The following MIAT variants were observed in gnomAD, a reference collection of about 807,000 sequenced individuals.
MIAT encodes myocardial infarction associated transcript, also known as MI related novel mRNA.
At chr22:26,662,974 A>G (rs1664840920) in intron 2 of MIAT, among the ~76,000 whole-genome samples, 1 of 152,206 alleles carries the variant, frequency 6.6e-6, no homozygotes, top group South Asian at 2.1e-4. Flanking sequence ...TTCTCATTTG[A>G]TCCTCATGAC....
intron 5 of MIAT, chr22:26,667,450 G>A (rs963810749): frequency 1.3e-5 from 5 of 394,516 alleles, no homozygotes; most frequent in African/African-American, 1.0e-4. Flanking sequence ...GTGTATGTTG[G>A]GGGTGGTGGT....
chr22:26,652,600 C>T (rs1930354899), intron 2 of MIAT, among the ~76,000 whole-genome samples: 1 of 152,120 alleles, frequency 6.6e-6, no homozygotes, highest in Admixed American at 6.5e-5. Flanking sequence ...TTGTGATCTG[C>T]CCCCCTCGGC....
chr22:26,675,782 G>C, exon 5 of MIAT: 2 of 398,668 alleles, frequency 5.0e-6, no homozygotes, highest in Non-Finnish European at 8.8e-6. Flanking sequence ...GTCATGCATG[G>C]CTGCAAGGGG....
At chr22:26,649,713 G>C (rs556185122) in intron 2 of MIAT, among the ~76,000 whole-genome samples, 1 of 152,234 alleles carries the variant, frequency 6.6e-6, no homozygotes, top group African/African-American at 2.4e-5. Flanking sequence ...AAGAGATTGA[G>C]ACTATCCTGG....
exon 5 of MIAT, chr22:26,676,069 T>A (rs1931250419): frequency 5.0e-6 from 2 of 398,624 alleles, no homozygotes; most frequent in East Asian, 7.1e-5. Context: ...GAGCAGGATC[T>A]TAGAGCTGAG....
At chr22:26,650,337 G>A (rs1930315310) in intron 2 of MIAT, 1 of 152,182 alleles carries the variant, frequency 6.6e-6, no homozygotes, top group Non-Finnish European at 1.5e-5. Flanking sequence ...TGGACTTCCA[G>A]CCTCCTTAAG....
chr22:26,672,363 T>G, downstream of MIAT: 1 of 399,232 alleles, frequency 2.5e-6, no homozygotes, highest in Non-Finnish European at 4.4e-6. Context: ...CAGAGTCCAC[T>G]GGGCCAGGTC....
intron 2 of MIAT, among the ~76,000 whole-genome samples, chr22:26,661,955 T>TAC (rs1930689903): frequency 1.2e-4 from 5 of 43,112 alleles, no homozygotes; most frequent in Non-Finnish European, 2.4e-4. Context: ...TATATATATA[T>TAC]ATATATACAC....
At chr22:26,660,976 G>A (rs1930642260) in intron 2 of MIAT, among the ~76,000 whole-genome samples, 1 of 152,194 alleles carries the variant, frequency 6.6e-6, no homozygotes, top group Non-Finnish European at 1.5e-5. Flanking sequence ...TGCCCTGTAG[G>A]TGCTTACTAA....
At chr22:26,674,979 G>T in exon 5 of MIAT, 1 of 398,698 alleles carries the variant, frequency 2.5e-6, no homozygotes, top group East Asian at 3.6e-5. Flanking sequence ...ATTGGTCAGG[G>T]GTCTGTGGGA....
downstream of MIAT, chr22:26,672,746 CA>C: frequency 2.5e-6 from 1 of 398,998 alleles, no homozygotes; most frequent in Non-Finnish European, 4.4e-6. Flanking sequence ...CACCGGAAGT[CA>C]GAAAGCGGAG....
At chr22:26,671,766 G>A, downstream of MIAT, 2 of 398,338 alleles carry the variant, frequency 5.0e-6, no homozygotes, top group Non-Finnish European at 4.4e-6. Context: ...TGCGAGTTCT[G>A]ATACCTTACA....
chr22:26,660,373 C>A (rs1930619954), intron 2 of MIAT, among the ~76,000 whole-genome samples: 1 of 146,552 alleles, frequency 6.8e-6, no homozygotes, highest in South Asian at 2.1e-4. Context: ...GAGGCTGGGG[C>A]AGGAGGATCA....
downstream of MIAT, chr22:26,673,933 G>C (rs1484800120): frequency 1.0e-5 from 4 of 398,530 alleles, no homozygotes; most frequent in African/African-American, 6.2e-5. Flanking sequence ...TTTGGTTTCA[G>C]TTCTTAAAAA....
At chr22:26,674,227 A>G, downstream of MIAT, 1 of 398,644 alleles carries the variant, frequency 2.5e-6, no homozygotes, top group African/African-American at 2.1e-5. Context: ...CTTCTAGCAT[A>G]AACTCTTCTG....
chr22:26,663,238 C>T lies in MIAT; in HGVS notation n.647-78C>T, dbSNP rs1361393943. ...GGAAACGCTGTGATTTGAAACAGGA[C>T]CTTAGCATCTATTCTCCACTGTACC... On this transcript the variant is annotated intron_variant and non_coding_transcript_variant, in intron 2 of 5. Transcript: ENST00000643270. 1.0e-5 allele frequency: 4 copies of T among 398,060 alleles called. No homozygotes were observed. In the East Asian group the frequency reaches 1.1e-4, roughly 11 times the overall value. The allele number at this position is 398,060 out of a possible 1,614,324, so 24.7% of individuals were successfully genotyped here.
At chr22:26,647,938 T>G (rs1440173384) in intron 2 of MIAT, among the ~76,000 whole-genome samples, 2 of 151,938 alleles carry the variant, frequency 1.3e-5, no homozygotes, top group Non-Finnish European at 2.9e-5. Context: ...AGGAAGGGTG[T>G]TTTTGTAAAG....
chr22:26,669,483 C>G, exon 6 of MIAT: 1 of 398,576 alleles, frequency 2.5e-6, no homozygotes, highest in Non-Finnish European at 4.4e-6. Context: ...GGTGTCTCCT[C>G]CTCTTCTTAT....
intron 5 of MIAT, chr22:26,667,617 C>A: frequency 4.4e-6 from 1 of 228,046 alleles, no homozygotes. Context: ...CCTCTGGTCC[C>A]CTGAGCTAAC....
Sources: allele counts gnomAD v4.1 joint callset (sites outside exome capture counted in the v4.1 genomes callset), GRCh38; gene constraint gnomAD v4.1.1; transcripts MANE v1.5; gene names NCBI Gene and HGNC (gene_info 2026-07-23, HGNC 2026-07-21).